The following ABLIM1 variants were observed in gnomAD, a reference collection of about 807,000 sequenced individuals.
ABLIM1 encodes actin binding LIM protein 1.
Under a neutral mutation model 107.0 loss-of-function variants are expected in ABLIM1, and 40 were observed. The ratio of observed to expected loss-of-function variants is 0.37; its 90% CI spans 0.29 to 0.49. The LOEUF is 0.49. Ranked by LOEUF, ABLIM1 falls within the 20% of genes least tolerant of loss-of-function variation. ABLIM1 has a pLI of 0.97. For synonymous variants in ABLIM1, 357 were observed against 357.3 expected, an observed-to-expected ratio of 1.00 and a Z score of 0.01; for missense variants, 857 against 1,008.5, an observed-to-expected ratio of 0.85 and a Z score of 2.04.
chr10:114,593,042 T>C (rs1265902327), intron 2 of ABLIM1, among the ~76,000 whole-genome samples: 1 of 38,330 alleles, frequency 2.6e-5, no homozygotes, highest in East Asian at 3.3e-4. Context: ...GAGTATGGGG[T>C]ACTCAATGGT....
At chr10:114,514,568 A>AG (rs1156343368) in intron 6 of ABLIM1, among the ~76,000 whole-genome samples, 3 of 152,154 alleles carry the variant, frequency 2.0e-5, no homozygotes, top group Admixed American at 1.3e-4. Context: ...TTGTAGAGAC[A>AG]GGGTCTCCCT....
At chr10:114,536,085 A>G (rs536861787) in intron 6 of ABLIM1, among the ~76,000 whole-genome samples, 19 of 152,034 alleles carry the variant, frequency 1.2e-4, no homozygotes, top group Middle Eastern at 3.4e-3. Context: ...ATTAGCAGTC[A>G]TTCGTTATTT....
chr10:114,455,770 A>G (rs576736423), intron 12 of ABLIM1, among the ~76,000 whole-genome samples: 9 of 152,276 alleles, frequency 5.9e-5, no homozygotes, highest in East Asian at 1.9e-4. Flanking sequence ...TGCTAGTGCA[A>G]TAAGTCCTCA....
intron 6 of ABLIM1, among the ~76,000 whole-genome samples, chr10:114,543,183 T>C (rs1357899622): frequency 6.6e-6 from 1 of 152,138 alleles, no homozygotes; most frequent in East Asian, 1.9e-4. Context: ...ACTATAAAAT[T>C]AAACATTTTA....
chr10:114,551,501 C>A (rs2068058302), intron 4 of ABLIM1, among the ~76,000 whole-genome samples: 1 of 152,142 alleles, frequency 6.6e-6, no homozygotes, highest in African/African-American at 2.4e-5. Flanking sequence ...TGGCCCATGG[C>A]CAATCAGAGG....
chr10:114,472,230 A>T (rs7081594), intron 10 of ABLIM1, among the ~76,000 whole-genome samples: 40,440 of 152,114 alleles, frequency 0.27, 5,629 homozygotes, highest in Middle Eastern at 0.32. Flanking sequence ...TCTGTTTTAC[A>T]GATGAAGAAA....
chr10:114,681,909 C>T (rs941597528), intron 1 of ABLIM1, among the ~76,000 whole-genome samples: 19 of 152,218 alleles, frequency 1.2e-4, no homozygotes, highest in Admixed American at 1.0e-3. Context: ...ACTGTGGCAG[C>T]GCTCATTTGC....
intron 6 of ABLIM1, among the ~76,000 whole-genome samples, chr10:114,517,068 T>C (rs2062956376): frequency 6.6e-6 from 1 of 152,158 alleles, no homozygotes; most frequent in African/African-American, 2.4e-5. Flanking sequence ...TTTTGCCCCT[T>C]TCCTCACCTC....
chr10:114,553,088 C>T (rs1385736809), intron 4 of ABLIM1, among the ~76,000 whole-genome samples: 6 of 125,638 alleles, frequency 4.8e-5, no homozygotes, highest in East Asian at 2.2e-4. Flanking sequence ...GAACTATTTC[C>T]GCCTTCCTGG....
intron 1 of ABLIM1, among the ~76,000 whole-genome samples, chr10:114,655,107 C>A (rs1049426565): frequency 5.9e-5 from 9 of 152,148 alleles, no homozygotes; most frequent in Non-Finnish European, 1.3e-4. Flanking sequence ...GCATTCCCTG[C>A]CTACCTTAGG....
intron 12 of ABLIM1, among the ~76,000 whole-genome samples, chr10:114,460,500 C>T (rs999110886): frequency 1.3e-5 from 2 of 152,130 alleles, no homozygotes; most frequent in African/African-American, 4.8e-5. Flanking sequence ...ACTCAGGAGG[C>T]CGAGGCAGAA....
intron 1 of ABLIM1, among the ~76,000 whole-genome samples, chr10:114,705,340 TA>T (rs1381290717): frequency 7.9e-5 from 12 of 152,170 alleles, no homozygotes; most frequent in Non-Finnish European, 1.3e-4. Context: ...AAACCCATAA[TA>T]GTTGCTGGGC....
chr10:114,556,929 C>T (rs530575256), intron 4 of ABLIM1, among the ~76,000 whole-genome samples: 15 of 152,258 alleles, frequency 9.9e-5, no homozygotes, highest in South Asian at 2.1e-4. Flanking sequence ...AATGTGAAAC[C>T]GCAAATTTGT....
At chr10:114,786,036 G>GT in the ABLIM1 span, among the ~76,000 whole-genome samples, 1 of 151,978 alleles carries the variant, frequency 6.6e-6, no homozygotes, top group South Asian at 2.1e-4. Flanking sequence ...GCCAGAAATA[G>GT]TTTTATAAGA....
intron 2 of ABLIM1, among the ~76,000 whole-genome samples, chr10:114,576,313 C>A (rs1565985282): frequency 6.6e-6 from 1 of 152,104 alleles, no homozygotes; most frequent in Non-Finnish European, 1.5e-5. Context: ...TCAGACAAGA[C>A]CAGAGTAGGT....
Position 114,473,915 on chromosome 10 carries a change from G to T in ABLIM1, c.1083C>A (p.Gly361=). 6.2e-7 allele frequency: 1 copy of T among 1,613,784 alleles called. No individual in the cohort carries two copies. Among genetic ancestry groups the T allele is most frequent in the Non-Finnish European group, 8.5e-7 (1 of 1,179,784 alleles). Residue 361 remains glycine (G), a synonymous_variant, in exon 9 of 23, where the codon GGC becomes GGA. Transcript: ENST00000533213. ...GACCTGGTGAGCCAGGAATACTGGAGCCTGGCCTAGAATAAATACTTTCCG... is the reference window on the plus strand; with the variant it reads ...GACCTGGTGAGCCAGGAATACTGGATCCTGGCCTAGAATAAATACTTTCCG... ...TSSESIYSRP[G]SSIPGSPGHT...
intron 1 of ABLIM1, among the ~76,000 whole-genome samples, chr10:114,609,853 C>T (rs1398639834): frequency 6.6e-6 from 1 of 152,170 alleles, no homozygotes; most frequent in Non-Finnish European, 1.5e-5. Flanking sequence ...AAAATAACTG[C>T]GTCACAATTG....
At chr10:114,781,315 G>C in the ABLIM1 span, among the ~76,000 whole-genome samples, 1 of 151,798 alleles carries the variant, frequency 6.6e-6, no homozygotes, top group Non-Finnish European at 1.5e-5. Flanking sequence ...ACCAGCCTGG[G>C]CAACATGGTG....
chr10:114,464,179 A>G (rs1179479167), intron 12 of ABLIM1, among the ~76,000 whole-genome samples: 8 of 151,206 alleles, frequency 5.3e-5, no homozygotes, highest in Non-Finnish European at 1.0e-4. Context: ...GTGGCAGCAT[A>G]AAGGATTTTT....
Sources: allele counts gnomAD v4.1 joint callset (sites outside exome capture counted in the v4.1 genomes callset), GRCh38; gene constraint gnomAD v4.1.1; transcripts MANE v1.5; gene names NCBI Gene and HGNC (gene_info 2026-07-23, HGNC 2026-07-21).